ARHGAP10: variants seen among roughly 807,000 people sequenced by gnomAD.
ARHGAP10 encodes rho GTPase-activating protein 10.
Under a neutral mutation model 108.6 loss-of-function variants are expected in ARHGAP10, and 87 were observed. That is an observed-to-expected ratio of 0.80 (90% CI 0.67 to 0.96). The LOEUF is 0.96. ARHGAP10 is among the 40% of genes least tolerant of loss of function. The probability of loss-of-function intolerance (pLI) is 0.00; values close to 1 mark genes in which losing one functional copy is unlikely to be tolerated. For synonymous variants in ARHGAP10, 347 were observed against 341.1 expected, an observed-to-expected ratio of 1.02 and a Z score of -0.19; for missense variants, 939 against 954.5, an observed-to-expected ratio of 0.98 and a Z score of 0.21.
chr4:147,748,938 A>G (rs766254849), intron 1 of ARHGAP10, among the ~76,000 whole-genome samples: 1 of 152,200 alleles, frequency 6.6e-6, no homozygotes, highest in Admixed American at 6.5e-5. Context: ...CAGCCTGGGC[A>G]GCAGAGTGAG....
intron 18 of ARHGAP10, among the ~76,000 whole-genome samples, chr4:148,021,126 C>G (rs1366633753): frequency 2.6e-5 from 4 of 152,152 alleles, no homozygotes; most frequent in African/African-American, 9.7e-5. Context: ...TGCCTTAAGT[C>G]TTCTGGAGAC....
At chr4:147,769,842 T>C (rs1048512784) in intron 1 of ARHGAP10, among the ~76,000 whole-genome samples, 2 of 152,048 alleles carry the variant, frequency 1.3e-5, no homozygotes, top group Non-Finnish European at 2.9e-5. Flanking sequence ...AATTAAGACA[T>C]GTGTTGAGGG....
chr4:147,981,558 C>G (rs1383918623), intron 18 of ARHGAP10, among the ~76,000 whole-genome samples: 1 of 152,100 alleles, frequency 6.6e-6, no homozygotes, highest in Admixed American at 6.6e-5. Flanking sequence ...TCTGTAGATG[C>G]CTATTAGGTC....
At chr4:147,822,853 C>T (rs752581429) in intron 2 of ARHGAP10, 31 bp downstream of exon 2, 50 of 1,613,676 alleles carry the variant, frequency 3.1e-5, no homozygotes, top group Non-Finnish European at 5.9e-6. Context: ...GGTTTGTTTT[C>T]CTTTGCCATG....
At chr4:147,814,714 A>G (rs953099914) in intron 1 of ARHGAP10, among the ~76,000 whole-genome samples, 6 of 152,216 alleles carry the variant, frequency 3.9e-5, no homozygotes, top group Admixed American at 2.0e-4. Context: ...TTTAAAAACA[A>G]TGCTTTGAAA....
intron 10 of ARHGAP10, among the ~76,000 whole-genome samples, chr4:147,886,572 T>G (rs530620141): frequency 7.2e-5 from 11 of 152,324 alleles, no homozygotes; most frequent in African/African-American, 2.6e-4. Flanking sequence ...CACAGTCCCT[T>G]TTTAATACCC....
At chr4:148,001,799 T>C (rs1000277284) in intron 18 of ARHGAP10, among the ~76,000 whole-genome samples, 2 of 152,238 alleles carry the variant, frequency 1.3e-5, no homozygotes, top group East Asian at 1.9e-4. Flanking sequence ...CTTACCAGCT[T>C]AAGGAGATTT....
intron 14 of ARHGAP10, among the ~76,000 whole-genome samples, chr4:147,943,887 G>A (rs1034579641): frequency 6.6e-6 from 1 of 152,204 alleles, no homozygotes; most frequent in Admixed American, 6.5e-5. Flanking sequence ...CATAGACACT[G>A]TGTAGTCATT....
chr4:147,808,696 T>G (rs957599971), intron 1 of ARHGAP10, among the ~76,000 whole-genome samples: 1 of 152,106 alleles, frequency 6.6e-6, no homozygotes, highest in Non-Finnish European at 1.5e-5. Flanking sequence ...TGATTTGTCA[T>G]AGAATGATTT....
chr4:147,891,194 T>C (rs1484841528), intron 10 of ARHGAP10, among the ~76,000 whole-genome samples: 3 of 152,218 alleles, frequency 2.0e-5, no homozygotes, highest in Non-Finnish European at 2.9e-5. Flanking sequence ...CATAGAAGCA[T>C]TATTTATAAT....
intron 10 of ARHGAP10, among the ~76,000 whole-genome samples, chr4:147,899,211 G>A (rs966406461): frequency 3.9e-5 from 6 of 152,230 alleles, no homozygotes; most frequent in Non-Finnish European, 2.9e-5. Flanking sequence ...ACCAGCCTGT[G>A]TTCTACCTTT....
chr4:148,070,122 CAT>C (rs1730100026), intron 22 of ARHGAP10, among the ~76,000 whole-genome samples: 1 of 152,208 alleles, frequency 6.6e-6, no homozygotes, highest in African/African-American at 2.4e-5. Flanking sequence ...TACATGCTCT[CAT>C]AGTCTGGACT....
chr4:147,852,504 C>T (rs921460025), intron 4 of ARHGAP10, among the ~76,000 whole-genome samples: 4 of 151,972 alleles, frequency 2.6e-5, no homozygotes, highest in Non-Finnish European at 4.4e-5. Context: ...CAAGTAGGAA[C>T]GAGTGACACT....
At chr4:148,019,891 A>G (rs1314014393) in intron 18 of ARHGAP10, among the ~76,000 whole-genome samples, 1 of 152,176 alleles carries the variant, frequency 6.6e-6, no homozygotes, top group Non-Finnish European at 1.5e-5. Flanking sequence ...GTTAATCGGG[A>G]TGATAGCTTA....
chr4:147,913,305 G>T (rs1736831010), intron 13 of ARHGAP10, among the ~76,000 whole-genome samples, 166 bp downstream of exon 13: 1 of 152,136 alleles, frequency 6.6e-6, no homozygotes, highest in Non-Finnish European at 1.5e-5. Flanking sequence ...TGACAATGAG[G>T]GATTTTCCTT....
intron 4 of ARHGAP10, among the ~76,000 whole-genome samples, chr4:147,853,393 C>T (rs1411813191): frequency 6.6e-6 from 1 of 152,176 alleles, no homozygotes; most frequent in East Asian, 1.9e-4. Context: ...CAACAGTAAA[C>T]ATTATTTAAT....
intron 1 of ARHGAP10, among the ~76,000 whole-genome samples, chr4:147,796,920 T>C (rs1354917735): frequency 6.6e-6 from 1 of 152,190 alleles, no homozygotes. Context: ...CCTCATGCCA[T>C]AGAGCCCTTC....
At chr4:148,047,672 C>T (rs1484677941) in intron 20 of ARHGAP10, among the ~76,000 whole-genome samples, 1 of 152,110 alleles carries the variant, frequency 6.6e-6, no homozygotes, top group Non-Finnish European at 1.5e-5. Flanking sequence ...GGAGTAAAGG[C>T]AGGATGGTGG....
chr4:147,745,460 A>G (rs1350649862), intron 1 of ARHGAP10: 2 of 154,194 alleles, frequency 1.3e-5, no homozygotes, highest in Non-Finnish European at 2.9e-5. Flanking sequence ...TGGAAGATTC[A>G]GGGGTCCATC....
Sources: allele counts gnomAD v4.1 joint callset (sites outside exome capture counted in the v4.1 genomes callset), GRCh38; gene constraint gnomAD v4.1.1; transcripts MANE v1.5; gene names NCBI Gene and HGNC (gene_info 2026-07-23, HGNC 2026-07-21).